The following AGAP3 variants were observed in gnomAD, a reference collection of about 807,000 sequenced individuals.
The protein encoded by AGAP3 is arf-GAP with GTPase, ANK repeat and PH domain-containing protein 3.
Under a neutral mutation model 96.9 loss-of-function variants are expected in AGAP3, and 24 were observed. The ratio of observed to expected loss-of-function variants is 0.25; its 90% CI spans 0.18 to 0.35. AGAP3 has a LOEUF of 0.35. Among genes scored for constraint, AGAP3 ranks in the 10% least tolerant of loss-of-function variants. AGAP3 has a pLI of 1.00. For synonymous variants in AGAP3, 563 were observed against 536.1 expected, an observed-to-expected ratio of 1.05 and a Z score of -0.69; for missense variants, 876 against 1,254.2, an observed-to-expected ratio of 0.70 and a Z score of 4.55.
chr7:151,125,074 C>T (rs1263670630), intron 9 of AGAP3, among the ~76,000 whole-genome samples: 7 of 152,212 alleles, frequency 4.6e-5, no homozygotes, highest in Non-Finnish European at 1.0e-4. Flanking sequence ...AGACCCTGCA[C>T]AAACCTGTTG....
At chr7:151,092,335 T>C (rs1218622509) in intron 1 of AGAP3, among the ~76,000 whole-genome samples, 1 of 152,202 alleles carries the variant, frequency 6.6e-6, no homozygotes, top group Non-Finnish European at 1.5e-5. Context: ...CCCATGTCCG[T>C]GTGTGGCATT....
chr7:151,126,736 C>T (rs1007494061), intron 9 of AGAP3, among the ~76,000 whole-genome samples: 1 of 152,218 alleles, frequency 6.6e-6, no homozygotes, highest in Non-Finnish European at 1.5e-5. Context: ...CACCCAGAGG[C>T]AGGTCACCAA....
At chr7:151,128,727 G>A (rs1800283195) in intron 10 of AGAP3, 43 bp downstream of exon 10, 1 of 1,531,642 alleles carries the variant, frequency 6.5e-7, no homozygotes, top group Admixed American at 1.7e-5. Flanking sequence ...TATGGGGAGG[G>A]GGTGGAGGGA....
In AGAP3 at chr7:151,118,870, T is replaced by C. The variant is rs886739847; in HGVS notation, c.969+238T>C. 5.3e-5 allele frequency among the ~76,000 whole-genome samples: 8 copies of C among 152,064 alleles called. No homozygotes were observed. In the East Asian group the frequency reaches 1.5e-3, roughly 29 times the overall value. ...CGCTGCAATCCCCACTTCTCTCTGC[T>C]CTCCACCATTCCACAGCCTGCATTC... On this transcript the variant is annotated intron_variant, in intron 7 of 17. Coordinates refer to ENST00000397238, the MANE Select transcript of AGAP3 (RefSeq NM_031946.7). The surrounding 1 kb of genome is among the most constrained non-coding windows in gnomAD (Gnocchi z 6.1).
chr7:151,119,050 C>T, intron 7 of AGAP3: 1 of 217,760 alleles, frequency 4.6e-6, no homozygotes, highest in South Asian at 9.5e-5. Flanking sequence ...GGTTGCATTT[C>T]AGAGACCCTT....
chr7:151,137,813 C>A (rs528799518), intron 11 of AGAP3: 3 of 373,294 alleles, frequency 8.0e-6, no homozygotes, highest in East Asian at 9.7e-5. Flanking sequence ...AGGGGCCCCT[C>A]AAGGAGCACT....
chr7:151,134,380 C>G lies in AGAP3; in HGVS notation c.1327-20C>G. On this transcript the variant is annotated intron_variant, in intron 10 of 17. Transcript: ENST00000397238. ...CTGCTGCTAACCAGTCTTCATCTGT[C>G]TCTCCCACCCGGCCTGCAGGATTAC... 6.2e-7 allele frequency: 1 copy of G among 1,612,810 alleles called. No homozygotes were observed. Among genetic ancestry groups the G allele is most frequent in the Non-Finnish European group, 8.5e-7 (1 of 1,179,312 alleles).
Position 151,139,711 on chromosome 7 carries a change from G to A in AGAP3, c.1667-268G>A. On this transcript the variant is annotated intron_variant, in intron 12 of 17. Transcript: ENST00000397238. The surrounding 1 kb of genome is among the most constrained non-coding windows in gnomAD (Gnocchi z 4.9). ...CCTGGGCTGCCTTCCACCCCTCCAG[G>A]CTGCAGAGGCAGCTTCCTCCCTTTG... is the stretch of plus-strand genomic sequence containing the variant. 1 of 307,038 alleles carries A rather than the reference G, an allele frequency of 3.3e-6. No individual in the cohort carries two copies. Among genetic ancestry groups the A allele is most frequent in the Non-Finnish European group, 6.0e-6 (1 of 168,016 alleles). 19.0% of individuals were successfully genotyped at this position (307,038 alleles called of 1,614,324 possible). A position where few individuals can be genotyped will look rare whatever the true frequency, so the allele number is the denominator to read the frequency against.
At chr7:151,124,605 C>G (rs989914219) in intron 9 of AGAP3, among the ~76,000 whole-genome samples, 2 of 152,208 alleles carry the variant, frequency 1.3e-5, no homozygotes, top group African/African-American at 4.8e-5. Context: ...AGGCCATGTA[C>G]ATAGGCAGCC....
At chr7:151,113,501 G>C (rs1441054028) in intron 1 of AGAP3, among the ~76,000 whole-genome samples, 1 of 152,246 alleles carries the variant, frequency 6.6e-6, no homozygotes, top group South Asian at 2.1e-4. Flanking sequence ...TGTGCCACTT[G>C]TATCTCCCAC....
At chr7:151,092,440 C>T (rs1188260051) in intron 1 of AGAP3, among the ~76,000 whole-genome samples, 1 of 152,186 alleles carries the variant, frequency 6.6e-6, no homozygotes, top group African/African-American at 2.4e-5. Context: ...CCCTAGCTGA[C>T]TTAAACCATT....
chr7:151,125,238 C>T (rs1458856097), intron 9 of AGAP3, among the ~76,000 whole-genome samples: 6 of 152,186 alleles, frequency 3.9e-5, no homozygotes, highest in Admixed American at 6.5e-5. Flanking sequence ...ACACACTTCA[C>T]CGAATTCACT....
chr7:151,123,049 G>T (rs1421920770), intron 8 of AGAP3: 1 of 1,306,138 alleles, frequency 7.7e-7, no homozygotes, highest in Non-Finnish European at 9.7e-7. Context: ...CCCCACGCCC[G>T]GCGCTGGCCA....
At chr7:151,120,412 C>A in intron 8 of AGAP3, 1 of 673,134 alleles carries the variant, frequency 1.5e-6, no homozygotes, top group Non-Finnish European at 2.7e-6. Flanking sequence ...ACACACTCAC[C>A]CTCCCCGCCG....
At position 151,143,276 on chromosome 7, in the gene AGAP3, T is replaced by A. The variant is rs1584796159; in HGVS notation, c.2274-65T>A. 2 of 1,543,678 alleles carry A rather than the reference T, an allele frequency of 1.3e-6. No homozygotes were observed. The highest frequency in any genetic ancestry group is 8.7e-7 in the Non-Finnish European group (1 of 1,143,806). On this transcript the variant is annotated intron_variant, in intron 16 of 17. Transcript: ENST00000397238. The surrounding 1 kb of genome is among the most constrained non-coding windows in gnomAD (Gnocchi z 5.9). ...TGCTCGCTTCCTTTCCTGCCCACCT[T>A]CCTGGCCCCACCCGTTGCTCGGTGA...
intron 8 of AGAP3, chr7:151,123,017 C>G: frequency 1.4e-6 from 2 of 1,385,292 alleles, no homozygotes; most frequent in Non-Finnish European, 1.9e-6. Context: ...AGGCTCGCTG[C>G]ATGGAGAAGA....
chr7:151,113,480 C>A (rs895954137), intron 1 of AGAP3, among the ~76,000 whole-genome samples: 8 of 152,226 alleles, frequency 5.3e-5, no homozygotes, highest in African/African-American at 1.4e-4. Context: ...TCCCACTCAG[C>A]CCCTCAGGAA....
Position 151,086,734 on chromosome 7 carries a change from C to T in AGAP3, c.-8C>T. 2.1e-6 allele frequency: 2 copies of T among 938,494 alleles called. No homozygotes were observed. Among genetic ancestry groups the T allele is most frequent in the Non-Finnish European group, 2.5e-6 (2 of 790,626 alleles). 58.1% of individuals were successfully genotyped at this position (938,494 alleles called of 1,614,324 possible). A position where few individuals can be genotyped will look rare whatever the true frequency, so the allele number is the denominator to read the frequency against. On this transcript the variant is annotated 5_prime_UTR_variant, in exon 1 of 18. Coordinates refer to ENST00000397238, the MANE Select transcript of AGAP3 (RefSeq NM_031946.7). The stretch of plus-strand genomic sequence containing the variant: ...CGGGCCCGCCTCGGGCCCCACGGCT[C>T]CGAAGCCATGAACTTCCAGGCGGGC...
chr7:151,087,043 A>G lies in AGAP3; in HGVS notation c.302A>G (p.Gln101Arg). The change falls in exon 1 of 18, where the codon CAG (glutamine) becomes CGG (arginine). Residue 101 changes from glutamine to arginine, a missense_variant. By Grantham distance (43) the Gln-to-Arg change is conservative (BLOSUM62 1). Around this residue, in one of 8 missense-constraint regions of AGAP3, gnomAD observed 131 missense variants for 304.5 expected, o/e 0.43. Coordinates refer to ENST00000397238, the MANE Select transcript of AGAP3 (RefSeq NM_031946.7). ...ERIEDLALQN[Q>R]IREHVISIED... ...ATCGAGGATTTGGCGCTGCAGAACC[A>G]GATCCGGGAGCACGTCATCTCCATC... The G allele has an allele frequency of 6.2e-7, 1 of 1,610,332 alleles. No homozygotes were observed. The highest frequency in any genetic ancestry group is 1.1e-5 in the South Asian group (1 of 90,496).
Sources: allele counts gnomAD v4.1 joint callset (sites outside exome capture counted in the v4.1 genomes callset), GRCh38; gene constraint gnomAD v4.1.1; regional missense constraint gnomAD v4.1.1; non-coding constraint Gnocchi (gnomAD v3.1); transcripts MANE v1.5; gene names NCBI Gene and HGNC (gene_info 2026-07-23, HGNC 2026-07-21).